Variants in XKR6 observed in about 807,000 individuals in gnomAD.
XKR6 encodes XK related 6.
In XKR6, 22 loss-of-function variants were observed where a neutral mutation model predicts 56.7. That is an observed-to-expected ratio of 0.39 (90% CI 0.28 to 0.55). The LOEUF is 0.55. Among genes scored for constraint, XKR6 ranks in the 20% least tolerant of loss-of-function variants. The pLI is 0.66. For synonymous variants in XKR6, 524 were observed against 387.8 expected (o/e 1.35, Z -4.13); for missense variants, 852 against 889.0 (o/e 0.96, Z 0.53).
intron 1 of XKR6, among the ~76,000 whole-genome samples, chr8:10,970,088 G>A (rs1162056548): frequency 4.6e-5 from 7 of 152,188 alleles, no homozygotes; most frequent in South Asian, 2.1e-4. Context: ...GTCACCTCTC[G>A]CAGGAGTGGG....
intron 1 of XKR6, among the ~76,000 whole-genome samples, chr8:11,191,510 T>C (rs529909529): frequency 6.6e-6 from 1 of 152,172 alleles, no homozygotes; most frequent in South Asian, 2.1e-4. Context: ...CCTACTGATA[T>C]GATGCCAACA....
At chr8:11,098,758 G>C (rs561977215) in intron 1 of XKR6, among the ~76,000 whole-genome samples, 1 of 152,124 alleles carries the variant, frequency 6.6e-6, no homozygotes, top group South Asian at 2.1e-4. Context: ...TTAACTATTA[G>C]TCTATTCACA....
Position 11,201,055 on chromosome 8 carries a change from C to T in XKR6, c.285G>A (p.Leu95=). The T allele has an allele frequency of 1.6e-6, 2 of 1,254,186 alleles. No homozygotes were observed. Among genetic ancestry groups the T allele is most frequent in the Non-Finnish European group, 2.0e-6 (2 of 1,003,266 alleles). 77.7% of individuals were successfully genotyped at this position (1,254,186 alleles called of 1,614,324 possible). ...SAAADGGDQP[L]QPPAAPGAGR... ...CGGCGCCGGGGGCCGCGGGAGGCTG[C>T]AGCGGCTGGTCCCCCCCGTCGGCGG... The change falls in exon 1 of 3, where the codon CTG becomes CTA. Residue 95 remains leucine (L), a synonymous_variant. Transcript: ENST00000416569.
At chr8:11,041,900 C>T (rs1799295906) in intron 1 of XKR6, among the ~76,000 whole-genome samples, 1 of 152,222 alleles carries the variant, frequency 6.6e-6, no homozygotes, top group African/African-American at 2.4e-5. Flanking sequence ...TATATAAACA[C>T]AACACACACA....
At chr8:11,056,924 CAGTCCAGGCT>C (rs1799699527) in intron 1 of XKR6, among the ~76,000 whole-genome samples, 1 of 152,164 alleles carries the variant, frequency 6.6e-6, no homozygotes, top group African/African-American at 2.4e-5. Context: ...TCACTTCTCC[CAGTCCAGGCT>C]AAGAAACCCA....
intron 1 of XKR6, among the ~76,000 whole-genome samples, chr8:10,999,695 C>G (rs149129825): frequency 1.1e-4 from 17 of 152,198 alleles, no homozygotes; most frequent in Admixed American, 6.5e-4. Flanking sequence ...AAAGTTCCAA[C>G]AAAGGATGTT....
chr8:11,106,630 C>T (rs1798685159), intron 1 of XKR6: 1 of 152,294 alleles, frequency 6.6e-6, no homozygotes, highest in Non-Finnish European at 1.5e-5. Context: ...GGGCAGATCA[C>T]TTGAGGTCAG....
chr8:11,086,291 T>C (rs1263997568), intron 1 of XKR6, among the ~76,000 whole-genome samples: 5 of 152,046 alleles, frequency 3.3e-5, no homozygotes, highest in Admixed American at 6.6e-5. Flanking sequence ...AACATAGAGC[T>C]TGTACTTGGC....
chr8:11,064,952 T>G (rs1799938632), intron 1 of XKR6, among the ~76,000 whole-genome samples: 1 of 152,254 alleles, frequency 6.6e-6, no homozygotes, highest in Non-Finnish European at 1.5e-5. Flanking sequence ...ACTGTACTTG[T>G]CTATACTCTT....
rs190479362 is a variant in XKR6, at chr8:11,098,382, A to C, written c.764+102194T>G. Among the ~76,000 whole-genome samples the C allele has an allele frequency of 5.0e-3, 761 of 152,244 alleles. 1 individual carries two copies. The highest frequency in any genetic ancestry group is 8.3e-3 in the Non-Finnish European group (562 of 68,012). On this transcript the variant is annotated intron_variant, in intron 1 of 2. Coordinates refer to ENST00000416569, the MANE Select transcript of XKR6 (RefSeq NM_173683.4). ...AGCTGGTACGTGAGCAAGAGGACCC[A>C]GTGGACTCGGTGAACTTGAGGTCCT...
chr8:11,112,710 G>C (rs571203780), intron 1 of XKR6, among the ~76,000 whole-genome samples: 34 of 152,288 alleles, frequency 2.2e-4, no homozygotes, highest in African/African-American at 8.2e-4. Flanking sequence ...AGCTGGCCTG[G>C]GGAAGCAGAA....
At chr8:11,018,621 T>C (rs1798679286) in intron 1 of XKR6, among the ~76,000 whole-genome samples, 1 of 152,236 alleles carries the variant, frequency 6.6e-6, no homozygotes, top group Non-Finnish European at 1.5e-5. Flanking sequence ...CTAGGCCATC[T>C]TTGAGAATGC....
chr8:10,955,010 A>G (rs1265602584), intron 1 of XKR6, among the ~76,000 whole-genome samples: 2 of 151,988 alleles, frequency 1.3e-5, no homozygotes, highest in Non-Finnish European at 2.9e-5. Context: ...CTAGGATTAC[A>G]GGCATGTGCC....
At chr8:11,096,570 T>C (rs1798268555) in intron 1 of XKR6, among the ~76,000 whole-genome samples, 2 of 152,220 alleles carry the variant, frequency 1.3e-5, no homozygotes, top group South Asian at 2.1e-4. Flanking sequence ...CATGCTACCA[T>C]TGCACTCCTC....
At chr8:11,117,535 T>G (rs1799240235) in intron 1 of XKR6, among the ~76,000 whole-genome samples, 1 of 152,196 alleles carries the variant, frequency 6.6e-6, no homozygotes, top group Admixed American at 6.5e-5. Context: ...TCTTCATTCC[T>G]TAAGCCAAAA....
At chr8:11,178,816 T>C (rs1457808151) in intron 1 of XKR6, among the ~76,000 whole-genome samples, 1 of 150,948 alleles carries the variant, frequency 6.6e-6, no homozygotes, top group East Asian at 1.9e-4. Flanking sequence ...GCTGCTAAAA[T>C]ATCAAGTGAA....
At chr8:10,981,403 G>C (rs1198553257) in intron 1 of XKR6, among the ~76,000 whole-genome samples, 2 of 152,202 alleles carry the variant, frequency 1.3e-5, no homozygotes, top group African/African-American at 4.8e-5. Flanking sequence ...ATATTTCCAA[G>C]GCAGTCAACA....
chr8:11,143,450 C>T (rs1367810911), intron 1 of XKR6, among the ~76,000 whole-genome samples: 1 of 152,190 alleles, frequency 6.6e-6, no homozygotes, highest in African/African-American at 2.4e-5. Flanking sequence ...GCAGAAAACA[C>T]AAGAGGACAG....
At chr8:10,924,969 G>A (rs1262437826) in intron 1 of XKR6, 139 bp from the exon 2 acceptor site, 1 of 851,692 alleles carries the variant, frequency 1.2e-6, no homozygotes, top group Non-Finnish European at 1.8e-6. Flanking sequence ...GGCTTGGACG[G>A]GGCTCTGGGG....
Sources: allele counts gnomAD v4.1 joint callset (sites outside exome capture counted in the v4.1 genomes callset), GRCh38; gene constraint gnomAD v4.1.1; transcripts MANE v1.5; gene names NCBI Gene and HGNC (gene_info 2026-07-23, HGNC 2026-07-21).